Variants in NOL4L observed in about 807,000 individuals in gnomAD.
NOL4L encodes nucleolar protein 4-like.
A neutral mutation model predicts 64.5 loss-of-function variants in NOL4L; 7 were observed. That is an observed-to-expected ratio of 0.11 (90% CI 0.06 to 0.20). The LOEUF (loss-of-function observed/expected upper bound fraction) is 0.20, where lower values mean the gene tolerates loss of function less well. Among genes scored for constraint, NOL4L ranks in the 10% least tolerant of loss-of-function variants. The pLI, the probability that NOL4L is intolerant of heterozygous loss-of-function variation, is 1.00. For missense variants in NOL4L, 680 were observed against 967.1 expected (o/e 0.70, Z 3.94); for synonymous variants, 413 against 401.0 (o/e 1.03, Z -0.36).
At chr20:32,471,468 C>T (rs946864078) in intron 5 of NOL4L, among the ~76,000 whole-genome samples, 2 of 152,188 alleles carry the variant, frequency 1.3e-5, no homozygotes, top group Admixed American at 1.3e-4. Context: ...GTGGTCTCCG[C>T]CATGGGATTT....
intron 4 of NOL4L, among the ~76,000 whole-genome samples, chr20:32,488,844 TTTCTTTCTTTCTTTC>T (rs2016305694): frequency 3.5e-5 from 3 of 86,892 alleles, no homozygotes; most frequent in African/African-American, 8.0e-5. Context: ...TCTTTCTTTC[TTTCTTTCTTTCTTTC>T]TTTCTTTCTT....
At chr20:32,489,372 T>C (rs113718220) in intron 4 of NOL4L, among the ~76,000 whole-genome samples, 179 of 152,012 alleles carry the variant, frequency 1.2e-3, no homozygotes, top group African/African-American at 4.2e-3. Flanking sequence ...TTTTTATTTT[T>C]GAAACAGGGT....
At chr20:32,510,074 T>C (rs293566) in intron 4 of NOL4L, 272,736 of 638,716 alleles carry the variant, frequency 0.43, 67,528 homozygotes, top group East Asian at 0.99. Context: ...CTCCTGCAGC[T>C]CAAACTACTT....
At position 32,464,619 on chromosome 20, in the gene NOL4L, G is replaced by A. The variant is rs2014386778; in HGVS notation, c.842-8224C>T. 6.6e-6 allele frequency among the ~76,000 whole-genome samples: 1 copy of A among 152,360 alleles called. No homozygotes were observed. The highest frequency in any genetic ancestry group is 2.4e-5 in the African/African-American group (1 of 41,590). On this transcript the variant is annotated intron_variant, in intron 5 of 10. Coordinates refer to ENST00000621426, the MANE Select transcript of NOL4L (RefSeq NM_001256798.2). The surrounding 1 kb of genome is among the most constrained non-coding windows in gnomAD (Gnocchi z 5.6). Reference sequence around the variant, plus strand: ...GCCCCTCAGTGCCCGGGCAGTGGGCGTTCCTGCTGAAACTCTGGTCACTCT... The same window carrying A: ...GCCCCTCAGTGCCCGGGCAGTGGGCATTCCTGCTGAAACTCTGGTCACTCT...
At chr20:32,515,713 A>G (rs1043282541) in intron 3 of NOL4L, among the ~76,000 whole-genome samples, 2 of 152,132 alleles carry the variant, frequency 1.3e-5, no homozygotes, top group African/African-American at 4.8e-5. Flanking sequence ...CATGGTCAAC[A>G]TGTGGTGCCA....
chr20:32,513,841 C>G (rs1032907799), intron 3 of NOL4L, among the ~76,000 whole-genome samples: 7 of 151,778 alleles, frequency 4.6e-5, no homozygotes, highest in African/African-American at 1.7e-4. Flanking sequence ...GACTGTGTCT[C>G]AACAACAACA....
intron 4 of NOL4L, among the ~76,000 whole-genome samples, chr20:32,509,078 T>C (rs2017263152): frequency 6.6e-6 from 1 of 152,078 alleles, no homozygotes; most frequent in Non-Finnish European, 1.5e-5. Flanking sequence ...CCTGCCTCAG[T>C]CCACCCTCCA....
At chr20:32,538,466 C>CCTCCCTCCCTCG in intron 1 of NOL4L, among the ~76,000 whole-genome samples, 2 of 17,196 alleles carry the variant, frequency 1.2e-4, no homozygotes, top group Non-Finnish European at 1.8e-4. Context: ...TCCCTCGCTC[C>CCTCCCTCCCTCG]CTCCCTCCCT....
intron 4 of NOL4L, among the ~76,000 whole-genome samples, chr20:32,493,029 T>C (rs114850239): frequency 0.021 from 3,142 of 152,226 alleles, 109 homozygotes; most frequent in African/African-American, 0.072. Context: ...GCCAGAGATT[T>C]CCCTTGGGCC....
intron 4 of NOL4L, among the ~76,000 whole-genome samples, chr20:32,476,886 G>T (rs895498242): frequency 1.3e-5 from 2 of 152,254 alleles, no homozygotes; most frequent in African/African-American, 4.8e-5. Flanking sequence ...TGCGAGAAGT[G>T]AGGAGGGGAG....
chr20:32,542,092 C>G (rs2018665536), intron 1 of NOL4L, among the ~76,000 whole-genome samples: 1 of 152,208 alleles, frequency 6.6e-6, no homozygotes, highest in Non-Finnish European at 1.5e-5. Flanking sequence ...CTTTGGGCTT[C>G]AGGACACAGA....
chr20:32,468,623 A>T (rs1403923905), intron 5 of NOL4L, among the ~76,000 whole-genome samples: 2 of 152,164 alleles, frequency 1.3e-5, no homozygotes, highest in African/African-American at 4.8e-5. Context: ...GGACTTGGCC[A>T]AGCACGGTGG....
intron 1 of NOL4L, among the ~76,000 whole-genome samples, chr20:32,552,786 T>C (rs1228686011): frequency 6.6e-6 from 1 of 152,178 alleles, no homozygotes; most frequent in Non-Finnish European, 1.5e-5. Context: ...GCAGATTGCC[T>C]GAGGTCAGGA....
At chr20:32,557,474 C>T (rs1213785387) in intron 1 of NOL4L, among the ~76,000 whole-genome samples, 1 of 152,262 alleles carries the variant, frequency 6.6e-6, no homozygotes, top group Non-Finnish European at 1.5e-5. Context: ...CTCTCCAAGT[C>T]TCCTCGGTTG....
At chr20:32,567,717 G>A (rs1979512510) in intron 1 of NOL4L, among the ~76,000 whole-genome samples, 1 of 152,180 alleles carries the variant, frequency 6.6e-6, no homozygotes, top group African/African-American at 2.4e-5. Flanking sequence ...GCCTCTCAGT[G>A]TTGCTGCAGG....
intron 1 of NOL4L, among the ~76,000 whole-genome samples, chr20:32,552,294 G>T (rs146262500): frequency 1.3e-5 from 2 of 152,030 alleles, no homozygotes; most frequent in African/African-American, 4.8e-5. Context: ...CAGTGATTTC[G>T]CCCGGGGAGA....
intron 2 of NOL4L, among the ~76,000 whole-genome samples, chr20:32,523,845 G>C (rs900788441): frequency 5.9e-5 from 9 of 152,212 alleles, no homozygotes; most frequent in Non-Finnish European, 7.3e-5. Flanking sequence ...CTGGCAGAGA[G>C]AGCAGGAGCT....
intron 4 of NOL4L, among the ~76,000 whole-genome samples, chr20:32,493,604 T>C (rs111776789): frequency 0.014 from 2,079 of 152,344 alleles, 53 homozygotes; most frequent in African/African-American, 0.048. Context: ...AATGCAGCGA[T>C]AGCTGAAGAG....
chr20:32,490,157 A>G (rs2016409640), intron 4 of NOL4L, among the ~76,000 whole-genome samples: 1 of 144,924 alleles, frequency 6.9e-6, no homozygotes, highest in South Asian at 2.2e-4. Context: ...ATATATACAC[A>G]TATATATATG....
Sources: allele counts gnomAD v4.1 joint callset (sites outside exome capture counted in the v4.1 genomes callset), GRCh38; gene constraint gnomAD v4.1.1; non-coding constraint Gnocchi (gnomAD v3.1); transcripts MANE v1.5; gene names NCBI Gene and HGNC (gene_info 2026-07-23, HGNC 2026-07-21).